The following SHANK2 variants were observed in gnomAD, a reference collection of about 807,000 sequenced individuals.
SHANK2 encodes the protein SH3 and multiple ankyrin repeat domains 2, also known as SH3 and multiple ankyrin repeat domains protein 2.
A neutral mutation model predicts 133.7 loss-of-function variants in SHANK2; 43 were observed. That is an observed-to-expected ratio of 0.32 (90% CI 0.25 to 0.41). The LOEUF is 0.41. Ranked by LOEUF, SHANK2 falls within the 10% of genes least tolerant of loss-of-function variation. The probability of loss-of-function intolerance (pLI) is 1.00; values close to 1 mark genes in which losing one functional copy is unlikely to be tolerated. For synonymous variants in SHANK2, 1,017 were observed against 952.8 expected (o/e 1.07, Z -1.24); for missense variants, 1,994 against 2,235.8 (o/e 0.89, Z 2.18).
intron 14 of SHANK2, among the ~76,000 whole-genome samples, chr11:70,778,038 T>G (rs7931294): frequency 1 from 152,316 of 152,318 alleles, 76,157 homozygotes; most frequent in Non-Finnish European, 1. Flanking sequence ...TGCTTTCCAG[T>G]TTGAATTCAT....
At chr11:70,698,047 A>C (rs1945435735) in intron 15 of SHANK2, 1 of 152,956 alleles carries the variant, frequency 6.5e-6, no homozygotes, top group Non-Finnish European at 1.5e-5. Flanking sequence ...GGCACCCCCC[A>C]GCCTCAACCT....
chr11:70,645,600 A>G (rs2061249004), intron 17 of SHANK2, among the ~76,000 whole-genome samples: 2 of 152,304 alleles, frequency 1.3e-5, no homozygotes, highest in South Asian at 4.1e-4. Context: ...GCCGAGGTTC[A>G]GCTGCTATAT....
chr11:70,896,441 T>C, intron 11 of SHANK2, 60 bp downstream of exon 11: 2 of 669,958 alleles, frequency 3.0e-6, no homozygotes, highest in Non-Finnish European at 5.6e-6. Context: ...GGTGAGTGAC[T>C]GATTCCTCAG....
intron 10 of SHANK2, among the ~76,000 whole-genome samples, chr11:70,925,552 C>T (rs1555081424): frequency 6.6e-6 from 1 of 152,226 alleles, no homozygotes; most frequent in Non-Finnish European, 1.5e-5. Context: ...TGAATCAAAT[C>T]ATTCCTATGG....
chr11:70,661,499 AT>A, intron 16 of SHANK2, 96 bp downstream of exon 16: 1 of 1,029,180 alleles, frequency 9.7e-7, no homozygotes, highest in Non-Finnish European at 1.4e-6. Flanking sequence ...ATGCAGGCGT[AT>A]ACACACACAC....
At chr11:71,073,156 C>CTTTTTTTTTTTTTTTTTTTTTT (rs1198101078) in intron 9 of SHANK2, among the ~76,000 whole-genome samples, 7 of 40,780 alleles carry the variant, frequency 1.7e-4, no homozygotes, top group Admixed American at 6.2e-4. Flanking sequence ...TCTTTTTTTT[C>CTTTTTTTTTTTTTTTTTTTTTT]TTTTTTTTCT....
intron 10 of SHANK2, among the ~76,000 whole-genome samples, chr11:70,936,648 T>C (rs1374296439): frequency 6.6e-6 from 1 of 152,264 alleles, no homozygotes; most frequent in East Asian, 1.9e-4. Context: ...TTTTGGTCTC[T>C]GAAGATCATG....
chr11:71,192,024 A>C (rs7117131), intron 2 of SHANK2, among the ~76,000 whole-genome samples: 60,013 of 151,278 alleles, frequency 0.4, 15,539 homozygotes, highest in African/African-American at 0.72. Flanking sequence ...CCATACCTGG[A>C]TAATTTTTGT....
In SHANK2 at chr11:71,147,244, G is replaced by A; in HGVS notation, c.83C>T (p.Ser28Phe). The A allele has an allele frequency of 6.4e-7, 1 of 1,550,980 alleles. No individual in the cohort carries two copies. The highest frequency in any genetic ancestry group is 2.0e-5 in the Admixed American group (1 of 51,008). Reference sequence around the variant, plus strand: ...CGTGTCATAGATGGTCTCTTCTTTGGAGCTGTCTGACTCCGACCCCACGGA... The same window carrying A: ...CGTGTCATAGATGGTCTCTTCTTTGAAGCTGTCTGACTCCGACCCCACGGA... Reference protein sequence around the residue: ...DYSVGSESDSSKEETIYDTIR... With the variant: ...DYSVGSESDSFKEETIYDTIR... Residue 28 changes from serine to phenylalanine, a missense_variant, in exon 3 of 26, where the codon TCC (serine) becomes TTC (phenylalanine). By Grantham distance (155) the Ser-to-Phe change is radical. This residue lies in a region of SHANK2 where 653 missense variants were observed against 563.4 expected (regional missense o/e 1.16). Transcript: ENST00000601538.
At chr11:71,212,577 G>A (rs912569120) in intron 2 of SHANK2, among the ~76,000 whole-genome samples, 2 of 152,196 alleles carry the variant, frequency 1.3e-5, no homozygotes, top group South Asian at 2.1e-4. Context: ...CCCATTCCAC[G>A]AGAAAGGGCT....
intron 2 of SHANK2, among the ~76,000 whole-genome samples, chr11:71,207,132 G>A (rs1162294991): frequency 9.8e-5 from 12 of 122,984 alleles, no homozygotes; most frequent in South Asian, 2.7e-4. Context: ...TGGAAGGAAA[G>A]AAAAAAAAAT....
chr11:70,620,849 G>T (rs534414416), intron 17 of SHANK2, among the ~76,000 whole-genome samples: 2 of 152,148 alleles, frequency 1.3e-5, no homozygotes, highest in Admixed American at 6.5e-5. Context: ...AGCAGGAAGC[G>T]ACCCCTCACC....
At chr11:70,770,578 G>C (rs561215987) in intron 14 of SHANK2, among the ~76,000 whole-genome samples, 1 of 152,214 alleles carries the variant, frequency 6.6e-6, no homozygotes, top group Non-Finnish European at 1.5e-5. Flanking sequence ...TCTCTAAAAC[G>C]GGTCCTCAGA....
At chr11:70,611,425 C>G (rs1300411924) in intron 17 of SHANK2, among the ~76,000 whole-genome samples, 4 of 152,192 alleles carry the variant, frequency 2.6e-5, no homozygotes, top group Non-Finnish European at 5.9e-5. Context: ...GGGCTGCTCC[C>G]CACCTGCCCT....
chr11:71,150,070 G>A (rs868932051), intron 2 of SHANK2, among the ~76,000 whole-genome samples: 66 of 5,058 alleles, frequency 0.013, 1 homozygote, highest in African/African-American at 0.02. Flanking sequence ...GAGAGGAAAG[G>A]AGGGAGGGAG....
At chr11:70,892,206 G>A (rs1284032552) in intron 11 of SHANK2, among the ~76,000 whole-genome samples, 9 of 152,172 alleles carry the variant, frequency 5.9e-5, no homozygotes, top group South Asian at 2.1e-4. Context: ...CACCCCATGC[G>A]GTCTTAAGCA....
At chr11:71,153,865 G>C (rs189517505) in intron 2 of SHANK2, among the ~76,000 whole-genome samples, 1 of 152,260 alleles carries the variant, frequency 6.6e-6, no homozygotes, top group Non-Finnish European at 1.5e-5. Context: ...AGCTACTTGG[G>C]AGGCTAAGGC....
intron 14 of SHANK2, among the ~76,000 whole-genome samples, chr11:70,755,021 G>A (rs1946835590): frequency 2.0e-5 from 3 of 151,748 alleles, no homozygotes; most frequent in Admixed American, 2.0e-4. Flanking sequence ...GATCCCAGAA[G>A]TACTTCGAAA....
intron 2 of SHANK2, among the ~76,000 whole-genome samples, chr11:71,165,216 A>G (rs1167164990): frequency 1.3e-5 from 2 of 151,898 alleles, no homozygotes; most frequent in East Asian, 3.9e-4. Flanking sequence ...TATTTTTAGT[A>G]GAGACGGGGG....
Sources: allele counts gnomAD v4.1 joint callset (sites outside exome capture counted in the v4.1 genomes callset), GRCh38; gene constraint gnomAD v4.1.1; regional missense constraint gnomAD v4.1.1; transcripts MANE v1.5; gene names NCBI Gene and HGNC (gene_info 2026-07-23, HGNC 2026-07-21).